The following FHIT variants were observed in gnomAD, a reference collection of about 807,000 sequenced individuals.
FHIT encodes the protein bis(5'-adenosyl)-triphosphatase.
A neutral mutation model predicts 17.9 loss-of-function variants in FHIT; 19 were observed. The ratio of observed to expected loss-of-function variants is 1.06; its 90% CI spans 0.74 to 1.56. The LOEUF (loss-of-function observed/expected upper bound fraction) is 1.56. Ranked by LOEUF, FHIT falls within the 40% of genes most tolerant of loss-of-function variation. The probability of loss-of-function intolerance (pLI) is 0.00; values close to 1 mark genes in which losing one functional copy is unlikely to be tolerated. For synonymous variants in FHIT, 81 were observed against 69.7 expected (o/e 1.16, Z -0.81); for missense variants, 248 against 189.2 (o/e 1.31, Z -1.82).
chr3:60,898,714 C>T (rs1465354075), intron 3 of FHIT, among the ~76,000 whole-genome samples: 2 of 152,176 alleles, frequency 1.3e-5, no homozygotes, highest in Non-Finnish European at 2.9e-5. Context: ...TCCTGCACAG[C>T]TCAGTCTTTA....
intron 5 of FHIT, among the ~76,000 whole-genome samples, chr3:60,411,696 A>G (rs936833326): frequency 5.9e-5 from 9 of 152,196 alleles, no homozygotes; most frequent in Admixed American, 2.6e-4. Flanking sequence ...AGGTCACAAA[A>G]AAGTGTGCCA....
chr3:60,118,777 G>A (rs1269619468), intron 5 of FHIT, among the ~76,000 whole-genome samples: 6 of 79,808 alleles, frequency 7.5e-5, no homozygotes, highest in South Asian at 5.6e-4. Flanking sequence ...GGGGCGGCGG[G>A]GGGGGGGGGG....
At chr3:60,715,486 T>C (rs191481267) in intron 4 of FHIT, among the ~76,000 whole-genome samples, 1,641 of 151,654 alleles carry the variant, frequency 0.011, 33 homozygotes, top group African/African-American at 0.038. Flanking sequence ...ATGGATGAAA[T>C]TGGAAATCAT....
intron 5 of FHIT, among the ~76,000 whole-genome samples, chr3:60,067,614 T>C (rs1359021759): frequency 6.6e-6 from 1 of 152,202 alleles, no homozygotes; most frequent in Non-Finnish European, 1.5e-5. Flanking sequence ...CCATTGTTGT[T>C]TGGTGGATAT....
At chr3:60,953,307 G>A (rs1252821826) in intron 3 of FHIT, among the ~76,000 whole-genome samples, 2 of 152,116 alleles carry the variant, frequency 1.3e-5, no homozygotes, top group African/African-American at 4.8e-5. Flanking sequence ...CTAAACGCAA[G>A]GACGATTTCC....
chr3:60,577,402 C>A (rs2037606316), intron 4 of FHIT, among the ~76,000 whole-genome samples: 1 of 152,108 alleles, frequency 6.6e-6, no homozygotes. Context: ...CAATTTAATA[C>A]CCTATGACTG....
rs143512670 is a variant in FHIT, at chr3:60,039,499, A to G, written c.104-25347T>C. On this transcript the variant is annotated intron_variant, in intron 5 of 9. Transcript: ENST00000492590. Reference sequence around the variant, plus strand: ...GGGAAGGCTGCTTAGGTGATGGGCAAGAGAGTCCTTGGAGAATGCAGATAA... The same window carrying G: ...GGGAAGGCTGCTTAGGTGATGGGCAGGAGAGTCCTTGGAGAATGCAGATAA... Among the ~76,000 whole-genome samples, 127 of 152,346 alleles carry G rather than the reference A, an allele frequency of 8.3e-4. 1 individual carries two copies. The highest frequency in any genetic ancestry group is 2.9e-3 in the African/African-American group (122 of 41,580).
chr3:60,061,534 G>A (rs770979677), intron 5 of FHIT, among the ~76,000 whole-genome samples: 13 of 152,030 alleles, frequency 8.6e-5, no homozygotes, highest in Admixed American at 7.9e-4. Context: ...TTTGCATTTC[G>A]ATTCCCTGTT....
At chr3:59,803,302 A>C (rs1700071631) in intron 8 of FHIT, among the ~76,000 whole-genome samples, 1 of 152,234 alleles carries the variant, frequency 6.6e-6, no homozygotes, top group Non-Finnish European at 1.5e-5. Flanking sequence ...GACAGAAAGA[A>C]GACTAAAGAA....
At chr3:60,874,885 G>T (rs1020785487) in intron 3 of FHIT, among the ~76,000 whole-genome samples, 2 of 152,122 alleles carry the variant, frequency 1.3e-5, no homozygotes, top group Admixed American at 6.5e-5. Context: ...GATTTGGCTT[G>T]ACCACTTACT....
At chr3:59,773,393 A>G (rs780358) in intron 8 of FHIT, among the ~76,000 whole-genome samples, 124,462 of 152,162 alleles carry the variant, frequency 0.82, 51,428 homozygotes, top group East Asian at 1. Flanking sequence ...TAGAGGGTCC[A>G]AAAAGCTGCG....
chr3:60,456,572 T>C (rs1362310907), intron 5 of FHIT, among the ~76,000 whole-genome samples: 3 of 152,210 alleles, frequency 2.0e-5, no homozygotes, highest in African/African-American at 7.2e-5. Flanking sequence ...ATTAAGTTAA[T>C]GGCAGCAGCA....
chr3:60,384,360 T>C (rs562545945), intron 5 of FHIT, among the ~76,000 whole-genome samples: 26 of 152,168 alleles, frequency 1.7e-4, no homozygotes, highest in African/African-American at 5.8e-4. Flanking sequence ...ACAACAGAGA[T>C]GATGATATAA....
chr3:60,486,580 G>T (rs1576742728), intron 5 of FHIT, among the ~76,000 whole-genome samples: 1 of 152,098 alleles, frequency 6.6e-6, no homozygotes. Context: ...GATAGCTAAA[G>T]ATCTATAGGT....
intron 4 of FHIT, among the ~76,000 whole-genome samples, chr3:60,597,116 A>G (rs574954849): frequency 2.2e-4 from 34 of 152,278 alleles, no homozygotes; most frequent in South Asian, 1.2e-3. Context: ...TATTTATTCC[A>G]TAAGAAAATG....
intron 4 of FHIT, among the ~76,000 whole-genome samples, chr3:60,673,286 AT>A (rs1553694477): frequency 6.6e-6 from 1 of 152,056 alleles, no homozygotes; most frequent in Non-Finnish European, 1.5e-5. Context: ...CTAGCAGTAC[AT>A]TTTCTTAGGT....
chr3:60,536,781 T>A, intron 5 of FHIT, 79 bp downstream of exon 5: 1 of 1,453,544 alleles, frequency 6.9e-7, no homozygotes, highest in East Asian at 2.3e-5. Flanking sequence ...TGGAGGCCAA[T>A]CTTGTATTTA....
chr3:60,575,489 A>C (rs540325007), intron 4 of FHIT, among the ~76,000 whole-genome samples: 12 of 152,296 alleles, frequency 7.9e-5, no homozygotes, highest in South Asian at 4.1e-4. Flanking sequence ...GACCCAATGG[A>C]AACTGTAGAA....
intron 8 of FHIT, among the ~76,000 whole-genome samples, chr3:59,817,074 C>T (rs980379153): frequency 6.6e-6 from 1 of 152,168 alleles, no homozygotes; most frequent in African/African-American, 2.4e-5. Context: ...CTGTGCTCTC[C>T]GCAGACCCCA....
Sources: allele counts gnomAD v4.1 joint callset (sites outside exome capture counted in the v4.1 genomes callset), GRCh38; gene constraint gnomAD v4.1.1; transcripts MANE v1.5; gene names NCBI Gene and HGNC (gene_info 2026-07-23, HGNC 2026-07-21).